Variants in MAP3K5 observed in about 807,000 individuals in gnomAD.
MAP3K5 encodes the protein mitogen-activated protein kinase kinase kinase 5.
In MAP3K5, 56 loss-of-function variants were observed where a neutral mutation model predicts 158.7. That is an observed-to-expected ratio of 0.35 (90% confidence interval 0.28 to 0.44). The LOEUF (loss-of-function observed/expected upper bound fraction) is 0.44. MAP3K5 is among the 20% of genes least tolerant of loss of function. MAP3K5 has a pLI of 1.00. For missense variants in MAP3K5, 1,294 were observed against 1,674.8 expected, an observed-to-expected ratio of 0.77 and a Z score of 3.97; for synonymous variants, 579 against 601.7, an observed-to-expected ratio of 0.96 and a Z score of 0.55.
chr6:136,708,758 C>T (rs776275377), intron 2 of MAP3K5, among the ~76,000 whole-genome samples: 4 of 152,014 alleles, frequency 2.6e-5, no homozygotes, highest in Non-Finnish European at 4.4e-5. Flanking sequence ...AAATGGCTCA[C>T]GAACAAGGAA....
chr6:136,780,212 T>A (rs998312946), intron 1 of MAP3K5, among the ~76,000 whole-genome samples: 4 of 152,324 alleles, frequency 2.6e-5, no homozygotes, highest in South Asian at 4.1e-4. Flanking sequence ...GGGGTAAATA[T>A]TACCTTATGC....
intron 1 of MAP3K5, among the ~76,000 whole-genome samples, chr6:136,726,141 T>C (rs1317159138): frequency 6.6e-6 from 1 of 152,236 alleles, no homozygotes; most frequent in African/African-American, 2.4e-5. Flanking sequence ...TTGTTTTGGC[T>C]GTTTTAGTTG....
At chr6:136,751,892 T>G (rs1783225178) in intron 1 of MAP3K5, among the ~76,000 whole-genome samples, 1 of 152,236 alleles carries the variant, frequency 6.6e-6, no homozygotes, top group South Asian at 2.1e-4. Flanking sequence ...AGGTGAACTT[T>G]CAGTTTGATT....
chr6:136,576,480 T>G (rs1249663670), intron 25 of MAP3K5, among the ~76,000 whole-genome samples: 2 of 152,152 alleles, frequency 1.3e-5, no homozygotes, highest in East Asian at 3.9e-4. Context: ...TAATTTATTT[T>G]TATTTTTTTA....
intron 2 of MAP3K5, among the ~76,000 whole-genome samples, chr6:136,712,090 A>C (rs1294168505): frequency 6.6e-6 from 1 of 152,126 alleles, no homozygotes; most frequent in East Asian, 1.9e-4. Context: ...TCTTGGTGGA[A>C]GAACTCTGCC....
At chr6:136,558,922 T>A (rs1489984378) in intron 28 of MAP3K5, 46 bp from the exon 29 acceptor site, 2 of 943,338 alleles carry the variant, frequency 2.1e-6, no homozygotes, top group Admixed American at 3.7e-5. Context: ...TATATAACTT[T>A]AATAAAGCAC....
intron 1 of MAP3K5, among the ~76,000 whole-genome samples, chr6:136,762,416 T>C (rs1783799054): frequency 6.6e-6 from 1 of 152,200 alleles, no homozygotes; most frequent in Non-Finnish European, 1.5e-5. Context: ...CTGCCCATGC[T>C]TGCACATGAC....
rs140910361 is a variant in MAP3K5, at chr6:136,704,520, T to C, written c.612+590A>G. On this transcript the variant is annotated intron_variant, in intron 3 of 29. Coordinates refer to ENST00000359015, the MANE Select transcript of MAP3K5 (RefSeq NM_005923.4). ...TAGTGCCACTCATAATTCCACAACA[T>C]TGAATACACTATAAAAGATTTTCTT... Among the ~76,000 whole-genome samples the C allele has an allele frequency of 4.0e-3, 615 of 152,254 alleles. 3 individuals carry two copies. The highest frequency in any genetic ancestry group is 0.013 in the African/African-American group (561 of 41,556).
intron 17 of MAP3K5, among the ~76,000 whole-genome samples, chr6:136,612,115 T>C (rs1258021909): frequency 6.6e-6 from 1 of 152,114 alleles, no homozygotes; most frequent in Non-Finnish European, 1.5e-5. Flanking sequence ...ACCCAGACCC[T>C]AGCCCCCTGC....
At chr6:136,644,723 C>A (rs964998688) in intron 11 of MAP3K5, among the ~76,000 whole-genome samples, 17 of 152,162 alleles carry the variant, frequency 1.1e-4, no homozygotes, top group Non-Finnish European at 4.4e-5. Flanking sequence ...TCTAAATTGG[C>A]CACGGTAAGT....
intron 1 of MAP3K5, among the ~76,000 whole-genome samples, chr6:136,748,811 A>G (rs1783069556): frequency 6.6e-6 from 1 of 152,236 alleles, no homozygotes; most frequent in African/African-American, 2.4e-5. Context: ...ATATTGTAAA[A>G]CAGCTTTAAC....
chr6:136,638,422 T>A (rs1169545404), intron 13 of MAP3K5, among the ~76,000 whole-genome samples: 1 of 152,212 alleles, frequency 6.6e-6, no homozygotes, highest in Non-Finnish European at 1.5e-5. Context: ...TTATGCTTAT[T>A]GACTACATGA....
At chr6:136,782,893 G>C (rs1784676613) in intron 1 of MAP3K5, among the ~76,000 whole-genome samples, 1 of 152,234 alleles carries the variant, frequency 6.6e-6, no homozygotes, top group South Asian at 2.1e-4. Flanking sequence ...TGAACACTTA[G>C]ACAAGATTTT....
In MAP3K5 at chr6:136,591,279, T is replaced by C. The variant is rs57417197; in HGVS notation, c.3225+894A>G. On this transcript the variant is annotated intron_variant, in intron 23 of 29. Transcript: ENST00000359015. ...TATAGTTTCCTCCGCATCCCAAGGATGTGCACGTTAGGTTCATTTGTGTGT... is the reference window on the plus strand; with the variant it reads ...TATAGTTTCCTCCGCATCCCAAGGACGTGCACGTTAGGTTCATTTGTGTGT... Among the ~76,000 whole-genome samples the C allele has an allele frequency of 0.012, 1,887 of 152,306 alleles. 97 individuals carry two copies. In the East Asian group the frequency reaches 0.14, roughly 11 times the overall value.
At position 136,689,624 on chromosome 6, in the gene MAP3K5, G is replaced by A. The variant is rs146183309; in HGVS notation, c.1253+4516C>T. Among the ~76,000 whole-genome samples, 475 of 152,230 alleles carry A rather than the reference G, an allele frequency of 3.1e-3. 3 individuals carry two copies. The highest frequency in any genetic ancestry group is 0.019 in the Admixed American group (285 of 15,266). The stretch of plus-strand genomic sequence containing the variant: ...GATTAATGCTGTTACATCAGAAATC[G>A]GTTCTGTATAGAGGGAGTGGGCTCC... On this transcript the variant is annotated intron_variant, in intron 7 of 29. Transcript: ENST00000359015.
intron 25 of MAP3K5, among the ~76,000 whole-genome samples, chr6:136,574,510 T>C (rs143751460): frequency 1.1e-3 from 173 of 152,162 alleles, no homozygotes; most frequent in African/African-American, 4.0e-3. Flanking sequence ...GTGCTCAGCA[T>C]TACTCCATCT....
chr6:136,596,279 C>T (rs911200056), intron 21 of MAP3K5, among the ~76,000 whole-genome samples: 2 of 152,044 alleles, frequency 1.3e-5, no homozygotes, highest in South Asian at 2.1e-4. Flanking sequence ...CAGGAGAGGG[C>T]GAAAGTAAGA....
intron 19 of MAP3K5, among the ~76,000 whole-genome samples, chr6:136,602,586 G>A (rs957498309): frequency 6.6e-6 from 1 of 152,078 alleles, no homozygotes; most frequent in Non-Finnish European, 1.5e-5. Flanking sequence ...TTTCAGCCAC[G>A]AGCCACCATG....
chr6:136,707,020 C>T (rs921134379), intron 2 of MAP3K5, among the ~76,000 whole-genome samples: 2 of 152,086 alleles, frequency 1.3e-5, no homozygotes, highest in Non-Finnish European at 2.9e-5. Flanking sequence ...TCGTGGCACA[C>T]ACCTCACATC....
Sources: allele counts gnomAD v4.1 joint callset (sites outside exome capture counted in the v4.1 genomes callset), GRCh38; gene constraint gnomAD v4.1.1; transcripts MANE v1.5; gene names NCBI Gene and HGNC (gene_info 2026-07-23, HGNC 2026-07-21).